RRP15: variants seen among roughly 807,000 people sequenced by gnomAD.
RRP15 encodes RRP15-like protein.
Under a neutral mutation model 27.1 loss-of-function variants are expected in RRP15, and 18 were observed. That is an observed-to-expected ratio of 0.66 (90% CI 0.46 to 0.98). The LOEUF is 0.98. Among genes scored for constraint, RRP15 ranks in the 50% least tolerant of loss-of-function variants. The pLI, the probability that RRP15 is intolerant of heterozygous loss-of-function variation, is 0.00. For synonymous variants in RRP15, 107 were observed against 109.4 expected (o/e 0.98, Z 0.14); for missense variants, 359 against 337.8 (o/e 1.06, Z -0.49).
chr1:218,300,006 G>C (rs925253096), intron 1 of RRP15, among the ~76,000 whole-genome samples: 2 of 151,856 alleles, frequency 1.3e-5, no homozygotes, highest in African/African-American at 4.8e-5. Context: ...AGTGTTATGG[G>C]CAATAATAAG....
rs1655829661 is a variant in RRP15 at position 218,302,531 on chromosome 1, A to G, written c.377A>G (p.Lys126Arg). 3.7e-6 allele frequency: 6 copies of G among 1,612,950 alleles called. No individual in the cohort carries two copies. The highest frequency in any genetic ancestry group is 1.1e-5 in the South Asian group (1 of 90,950). The change falls in exon 2 of 5, where the codon AAG (lysine) becomes AGG (arginine). Residue 126 changes from lysine (K) to arginine (R), a missense_variant. Lys to Arg is a conservative substitution (Grantham distance 26). Transcript: ENST00000366932. ...KKLEKEKEKLKQERLEKIKQR... is the reference protein window; with the variant it reads ...KKLEKEKEKLRQERLEKIKQR... ...CTGGAAAAGGAAAAAGAAAAGTTAA[A>G]GCAAGAAAGACTAGAGAAAATAAAA...
At chr1:218,306,279 T>TC (rs1157055745) in intron 3 of RRP15, among the ~76,000 whole-genome samples, 1 of 152,200 alleles carries the variant, frequency 6.6e-6, no homozygotes, top group Non-Finnish European at 1.5e-5. Flanking sequence ...TTCCCACTGT[T>TC]TCCTTTGTCC....
At chr1:218,296,254 G>C (rs1470343936) in intron 1 of RRP15, among the ~76,000 whole-genome samples, 1 of 152,168 alleles carries the variant, frequency 6.6e-6, no homozygotes, top group Admixed American at 6.5e-5. Flanking sequence ...CTCACAAGTT[G>C]ACAGCCCCGT....
chr1:218,328,101 GA>G (rs1474130637), intron 4 of RRP15, among the ~76,000 whole-genome samples: 1 of 152,160 alleles, frequency 6.6e-6, no homozygotes, highest in Non-Finnish European at 1.5e-5. Context: ...CACACTTTAA[GA>G]ATCACTGATA....
intron 1 of RRP15, among the ~76,000 whole-genome samples, chr1:218,298,850 A>G (rs1209818008): frequency 1.3e-5 from 2 of 152,200 alleles, no homozygotes; most frequent in Non-Finnish European, 2.9e-5. Flanking sequence ...CATGATTGGA[A>G]CTTTTAGTCA....
intron 4 of RRP15, among the ~76,000 whole-genome samples, chr1:218,324,933 T>C (rs1656248850): frequency 6.6e-6 from 1 of 152,194 alleles, no homozygotes; most frequent in Non-Finnish European, 1.5e-5. Context: ...TTATTTTCTC[T>C]GAGATATTCT....
chr1:218,295,095 G>A (rs935499882), intron 1 of RRP15, among the ~76,000 whole-genome samples: 6 of 152,156 alleles, frequency 3.9e-5, no homozygotes, highest in Admixed American at 1.3e-4. Context: ...TCTTAAGCTT[G>A]TAGTCTTAAA....
rs1656441067 is a variant in RRP15 at position 218,335,976 on chromosome 1, TAATGCACC to T, written c.*4888_*4895del. ...ATTTATCATCTGAGGCTTTCAGAAT[TAATGCACC>T]AAACCTTAAATATTTTTGTTGTTCT... On this transcript the variant is annotated 3_prime_UTR_variant, in exon 5 of 5. Coordinates refer to ENST00000366932, the MANE Select transcript of RRP15 (RefSeq NM_016052.4). 6.6e-6 allele frequency: 1 copy of T among 152,194 alleles called. No homozygotes were observed. Among genetic ancestry groups the T allele is most frequent in the Admixed American group, 6.5e-5 (1 of 15,272 alleles). 9.4% of individuals were successfully genotyped at this position (152,194 alleles called of 1,614,324 possible). A position where few individuals can be genotyped will look rare whatever the true frequency, so the allele number is the denominator to read the frequency against.
At chr1:218,293,735 G>A (rs933769509) in intron 1 of RRP15, among the ~76,000 whole-genome samples, 13 of 152,240 alleles carry the variant, frequency 8.5e-5, no homozygotes, top group African/African-American at 2.4e-4. Flanking sequence ...GTGCTTTCAT[G>A]AGAACAAAAC....
intron 4 of RRP15, among the ~76,000 whole-genome samples, chr1:218,330,709 A>T (rs1312263856): frequency 1.3e-5 from 2 of 151,988 alleles, no homozygotes; most frequent in Admixed American, 1.3e-4. Context: ...TTTTGCTTTC[A>T]TGTTTCTTTT....
chr1:218,295,645 G>A (rs145852572), intron 1 of RRP15, among the ~76,000 whole-genome samples: 350 of 152,278 alleles, frequency 2.3e-3, no homozygotes, highest in African/African-American at 8.0e-3. Flanking sequence ...TCATCAAACT[G>A]TAGCTTATAG....
At chr1:218,290,473 T>A (rs558836325) in intron 1 of RRP15, among the ~76,000 whole-genome samples, 91 of 152,324 alleles carry the variant, frequency 6.0e-4, no homozygotes, top group African/African-American at 2.1e-3. Flanking sequence ...TGTTTTTGTT[T>A]TTGTTTTCTG....
At chr1:218,287,977 T>C (rs369981544) in intron 1 of RRP15, among the ~76,000 whole-genome samples, 2 of 152,332 alleles carry the variant, frequency 1.3e-5, no homozygotes, top group East Asian at 3.9e-4. Flanking sequence ...ATGCGGTCTC[T>C]TAAAATTCAT....
intron 4 of RRP15, among the ~76,000 whole-genome samples, chr1:218,321,642 G>T (rs1656188918): frequency 6.6e-6 from 1 of 152,042 alleles, no homozygotes; most frequent in South Asian, 2.1e-4. Context: ...GCTTATCTAA[G>T]ATTCAAATCC....
intron 4 of RRP15, among the ~76,000 whole-genome samples, chr1:218,307,865 C>T (rs1655925401): frequency 6.6e-6 from 1 of 152,056 alleles, no homozygotes; most frequent in African/African-American, 2.4e-5. Flanking sequence ...GCTTTAATTT[C>T]AGACTTTACC....
intron 4 of RRP15, among the ~76,000 whole-genome samples, chr1:218,323,154 G>T (rs945164519): frequency 6.6e-6 from 1 of 152,202 alleles, no homozygotes; most frequent in Non-Finnish European, 1.5e-5. Context: ...GCTTCCCGAA[G>T]GGCTGCAGCT....
At chr1:218,303,314 A>G (rs1655843368) in intron 2 of RRP15, among the ~76,000 whole-genome samples, 1 of 152,218 alleles carries the variant, frequency 6.6e-6, no homozygotes, top group South Asian at 2.1e-4. Flanking sequence ...ATAGGTAAAA[A>G]TGAAAGAAAC....
At chr1:218,293,302 TCCGCTCATG>T (rs1655673680) in intron 1 of RRP15, among the ~76,000 whole-genome samples, 1 of 152,242 alleles carries the variant, frequency 6.6e-6, no homozygotes, top group Non-Finnish European at 1.5e-5. Context: ...ATTGCTGTTT[TCCGCTCATG>T]AAATTAAGTA....
In RRP15 at chr1:218,336,885, TC is replaced by T. The variant is rs1236478519; in HGVS notation, c.*5797del. On this transcript the variant is annotated 3_prime_UTR_variant, in exon 5 of 5. Coordinates refer to ENST00000366932, the MANE Select transcript of RRP15 (RefSeq NM_016052.4). Reference sequence around the variant, plus strand: ...GCCGTATCTTGGTCCTTACTAGGATTCCCAAATATACTCCTTAATAACCAGT... The same window carrying T: ...GCCGTATCTTGGTCCTTACTAGGATTCCAAATATACTCCTTAATAACCAGT... The T allele has an allele frequency of 6.6e-6, 1 of 152,218 alleles. No individual in the cohort carries two copies. Among genetic ancestry groups the T allele is most frequent in the Non-Finnish European group, 1.5e-5 (1 of 68,042 alleles). 9.4% of individuals were successfully genotyped at this position (152,218 alleles called of 1,614,324 possible). A position where few individuals can be genotyped will look rare whatever the true frequency, so the allele number is the denominator to read the frequency against.
Sources: gnomAD v4.1 joint callset for allele counts (sites outside exome capture counted in the v4.1 genomes callset) on GRCh38, gnomAD v4.1.1 for gene constraint, MANE v1.5 for transcripts, NCBI Gene and HGNC (gene_info 2026-07-23, HGNC 2026-07-21) for gene names.